Variants in SPNS3 observed in about 807,000 individuals in gnomAD.
SPNS3 encodes protein spinster homolog 3.
Under a neutral mutation model 54.4 loss-of-function variants are expected in SPNS3, and 51 were observed. The observed-to-expected ratio is 0.94, with a 90% CI of 0.75 to 1.18. The LOEUF is 1.18. SPNS3 is among the 50% of genes most tolerant of loss of function. The pLI is 0.00. For missense variants in SPNS3, 669 were observed against 677.4 expected (o/e 0.99, Z 0.14); for synonymous variants, 309 against 294.7 (o/e 1.05, Z -0.50).
rs763153698 is a variant in SPNS3 at position 4,486,315 on chromosome 17, C to G, written c.1267C>G (p.Leu423Val). The G allele has an allele frequency of 3.1e-6, 5 of 1,598,708 alleles. No individual in the cohort carries two copies. Among genetic ancestry groups the G allele is most frequent in the East Asian group, 2.2e-5 (1 of 44,630 alleles). ...CCTGGGAGACGCTGGCAGCCCCTATCTCACAGGACTTGTAAGACGTGTCTG... is the reference window on the plus strand; with the variant it reads ...CCTGGGAGACGCTGGCAGCCCCTATGTCACAGGACTTGTAAGACGTGTCTG... ...HILGDAGSPY[L>V]TGLISSVLRA... Residue 423 changes from leucine (L) to valine (V), a missense_variant, in exon 10 of 12, where the codon CTC becomes GTC. Transcript: ENST00000355530. The surrounding 1 kb of genome is among the most constrained non-coding windows in gnomAD (Gnocchi z 5.5).
rs1567563962 is a variant in SPNS3 at position 4,458,619 on chromosome 17, T to TTCTTTCTTTCTG, written c.1113+5425_1113+5426insGTCTTTCTTTCT. ...TTTCTTTCTTTCTTTCTTTCTTTCT[T>TTCTTTCTTTCTG]TCTTTCTTTCTTTCTTTCTTTCTTT... On this transcript the variant is annotated intron_variant, in intron 8 of 11. Transcript: ENST00000355530. Among the ~76,000 whole-genome samples, 10 of 119,610 alleles carry TTCTTTCTTTCTG rather than the reference T, an allele frequency of 8.4e-5. No homozygotes were observed. The East Asian group carries it at 1.3e-3, about 15-fold the overall frequency. The allele number at this position is 119,610 out of a possible 152,430, so 78.5% of individuals were successfully genotyped here.
chr17:4,467,713 C>A (rs1193539171), intron 8 of SPNS3, among the ~76,000 whole-genome samples: 4 of 152,182 alleles, frequency 2.6e-5, no homozygotes, highest in Non-Finnish European at 4.4e-5. Flanking sequence ...CTGTCGCCCA[C>A]GCTGGAGTGC....
rs1363659871 is a variant in SPNS3 at position 4,480,870 on chromosome 17, C to G, written c.1179+2233C>G. 2.6e-5 allele frequency among the ~76,000 whole-genome samples: 4 copies of G among 152,206 alleles called. 1 individual carries two copies. ...TCCCGCCCCCTTCCCTGCCTTCCCA[C>G]CTGCCCGGAGCCCCGTGGCCAAAGA... On this transcript the variant is annotated intron_variant, in intron 9 of 11. Transcript: ENST00000355530.
chr17:4,438,940 CTGTGTGTG>C (rs35255085), intron 1 of SPNS3, among the ~76,000 whole-genome samples: 17 of 149,282 alleles, frequency 1.1e-4, no homozygotes, highest in Non-Finnish European at 1.8e-4. Context: ...GAGTGAGTTC[CTGTGTGTG>C]TGTGTGTGTG....
chr17:4,475,134 C>G (rs1287443887), intron 8 of SPNS3, among the ~76,000 whole-genome samples: 1 of 152,030 alleles, frequency 6.6e-6, no homozygotes, highest in Non-Finnish European at 1.5e-5. Flanking sequence ...TCATCACTTT[C>G]CTAGCTCGAG....
At chr17:4,443,831 T>C (rs1970913373) in intron 2 of SPNS3, among the ~76,000 whole-genome samples, 1 of 152,244 alleles carries the variant, frequency 6.6e-6, no homozygotes, top group Non-Finnish European at 1.5e-5. Context: ...CCGGGCACAG[T>C]GGCCCACGCC....
At chr17:4,469,303 T>C (rs1971792185) in intron 8 of SPNS3, among the ~76,000 whole-genome samples, 1 of 151,840 alleles carries the variant, frequency 6.6e-6, no homozygotes, top group Admixed American at 6.6e-5. Flanking sequence ...CCCAGGCTGC[T>C]CTGGAACTAC....
intron 8 of SPNS3, among the ~76,000 whole-genome samples, chr17:4,463,569 C>A (rs1374516612): frequency 6.6e-6 from 1 of 151,496 alleles, no homozygotes; most frequent in Admixed American, 6.6e-5. Context: ...CCCCTGTCCC[C>A]ACTAAAAATA....
intron 8 of SPNS3, among the ~76,000 whole-genome samples, chr17:4,459,384 A>G (rs1030937881): frequency 1.3e-5 from 2 of 152,128 alleles, no homozygotes; most frequent in Non-Finnish European, 1.5e-5. Flanking sequence ...ATATTTATTG[A>G]TTGTCAATTA....
chr17:4,472,241 A>G (rs1441287311), intron 8 of SPNS3, among the ~76,000 whole-genome samples: 1 of 152,134 alleles, frequency 6.6e-6, no homozygotes, highest in African/African-American at 2.4e-5. Context: ...TTACATGCAG[A>G]ATACTTTCCT....
At chr17:4,460,028 G>C (rs1971454191) in intron 8 of SPNS3, among the ~76,000 whole-genome samples, 1 of 152,152 alleles carries the variant, frequency 6.6e-6, no homozygotes, top group African/African-American at 2.4e-5. Flanking sequence ...GGGTGAAGTA[G>C]TGAATTATGT....
chr17:4,436,694 G>C (rs1006782145), intron 1 of SPNS3, among the ~76,000 whole-genome samples: 3 of 152,224 alleles, frequency 2.0e-5, no homozygotes, highest in African/African-American at 7.2e-5. Context: ...AGAGCTTCTT[G>C]GGTGCCAGAC....
In SPNS3 at chr17:4,467,246, A is replaced by C. The variant is rs573944406; in HGVS notation, c.1114-11326A>C. Among the ~76,000 whole-genome samples the C allele has an allele frequency of 1.2e-3, 189 of 152,168 alleles. 5 individuals carry two copies. Among genetic ancestry groups the C allele is most frequent in the Admixed American group, 6.5e-4 (10 of 15,282 alleles). On this transcript the variant is annotated intron_variant, in intron 8 of 11. Transcript: ENST00000355530. ...CATGTCACTGACATTGGAAGCCACC[A>C]GACTGTCCAGCGCAGAGGTGAGAGG... is the stretch of plus-strand genomic sequence containing the variant.
Position 4,433,973 on chromosome 17 carries a change from T to G in SPNS3, c.6T>G (p.Ala2=), listed in dbSNP as rs774877676. 6.5e-7 allele frequency: 1 copy of G among 1,536,682 alleles called. No individual in the cohort carries two copies. Among genetic ancestry groups the G allele is most frequent in the Non-Finnish European group, 8.8e-7 (1 of 1,140,642 alleles). The change falls in exon 1 of 12, where the codon GCT becomes GCG. Residue 2 remains alanine (A), a synonymous_variant. Transcript: ENST00000355530. The stretch of plus-strand genomic sequence containing the variant: ...GCCAAGAGCTGCAGGCTGGCATGGC[T>G]GGGGGGATGTCAGCGGAGTGCCCTG... The part of the protein sequence containing the change: M[A]GGMSAECPEP...
At chr17:4,445,872 G>T (rs1227743155) in intron 3 of SPNS3, among the ~76,000 whole-genome samples, 176 bp from the exon 4 acceptor site, 2 of 152,034 alleles carry the variant, frequency 1.3e-5, no homozygotes, top group Non-Finnish European at 2.9e-5. Context: ...GGCTGCAGGG[G>T]ACACACGTTT....
intron 8 of SPNS3, among the ~76,000 whole-genome samples, chr17:4,472,389 G>A (rs765161241): frequency 1.3e-5 from 2 of 152,180 alleles, no homozygotes; most frequent in Non-Finnish European, 2.9e-5. Context: ...AGTTGAGCTT[G>A]GGCTCCGCAG....
Position 4,448,175 on chromosome 17 carries a change from C to G in SPNS3, c.642C>G (p.Ala214=), listed in dbSNP as rs201399306. 6.3e-7 allele frequency: 1 copy of G among 1,598,946 alleles called. No individual in the cohort carries two copies. The change falls in exon 6 of 12, where the codon GCC becomes GCG. Residue 214 remains alanine, a synonymous_variant. Coordinates refer to ENST00000355530, the MANE Select transcript of SPNS3 (RefSeq NM_182538.5). ...WALRVMPCLE[A]VALILLILLV... ...CCCAGGTCATGCCCTGCCTGGAGGC[C>G]GTGGCCTTGATCCTGCTTATCCTGC...
At chr17:4,465,815 C>T (rs577603813) in intron 8 of SPNS3, among the ~76,000 whole-genome samples, 1 of 152,356 alleles carries the variant, frequency 6.6e-6, no homozygotes, top group Non-Finnish European at 1.5e-5. Context: ...CAGTGACTGT[C>T]TTTGGAAAAT....
chr17:4,473,393 CTTTTTTTTT>C (rs57102011), intron 8 of SPNS3, among the ~76,000 whole-genome samples: 1 of 129,668 alleles, frequency 7.7e-6, no homozygotes, highest in African/African-American at 2.9e-5. Flanking sequence ...TCTTCCCAGT[CTTTTTTTTT>C]TTTTTTTTTT....
Sources: allele counts gnomAD v4.1 joint callset (sites outside exome capture counted in the v4.1 genomes callset), GRCh38; gene constraint gnomAD v4.1.1; non-coding constraint Gnocchi (gnomAD v3.1); transcripts MANE v1.5; gene names NCBI Gene and HGNC (gene_info 2026-07-23, HGNC 2026-07-21).